The following UBN1 variants were observed in gnomAD, a reference collection of about 807,000 sequenced individuals.
The protein encoded by UBN1 is ubinuclein-1.
A neutral mutation model predicts 108.5 loss-of-function variants in UBN1; 17 were observed. The observed-to-expected ratio is 0.16, with a 90% confidence interval of 0.11 to 0.24. The LOEUF (loss-of-function observed/expected upper bound fraction) is 0.24. Among genes scored for constraint, UBN1 ranks in the 10% least tolerant of loss-of-function variants. The pLI is 1.00. For missense variants in UBN1, 1,595 were observed against 1,394.4 expected, an observed-to-expected ratio of 1.14 and a Z score of -2.29; for synonymous variants, 726 against 564.2, an observed-to-expected ratio of 1.29 and a Z score of -4.07.
chr16:4,863,722 G>C (rs1371307030), intron 7 of UBN1, among the ~76,000 whole-genome samples: 1 of 152,026 alleles, frequency 6.6e-6, no homozygotes, highest in African/African-American at 2.4e-5. Context: ...CCCAAAATTT[G>C]CCTTGTCATA....
chr16:4,869,568 C>T lies in UBN1; in HGVS notation c.1182-644C>T, dbSNP rs550679144. Among the ~76,000 whole-genome samples, 7 of 152,274 alleles carry T rather than the reference C, an allele frequency of 4.6e-5. No individual in the cohort carries two copies. In the South Asian group the frequency reaches 1.2e-3, roughly 27 times the overall value. Reference sequence around the variant, plus strand: ...GCTGAGGAGTTTGTGTGTGTAAGAACAGTTGTCAAAATGTGGGTGTTCTAC... The same window carrying T: ...GCTGAGGAGTTTGTGTGTGTAAGAATAGTTGTCAAAATGTGGGTGTTCTAC... On this transcript the variant is annotated intron_variant, in intron 8 of 17. Coordinates refer to ENST00000262376, the MANE Select transcript of UBN1 (RefSeq NM_001079514.3).
rs1053238705 is a variant in UBN1 at position 4,877,974 on chromosome 16, A to G, written c.3355+500A>G. On this transcript the variant is annotated intron_variant, in intron 17 of 17. Coordinates refer to ENST00000262376, the MANE Select transcript of UBN1 (RefSeq NM_001079514.3). The surrounding 1 kb of genome is among the most constrained non-coding windows in gnomAD (Gnocchi z 4.3). Reference sequence around the variant, plus strand: ...GGTAGCAGCCAGAGGCCACAGTGCAAGACTTTGAGAGGAGCAGCTTTAAAT... The same window carrying G: ...GGTAGCAGCCAGAGGCCACAGTGCAGGACTTTGAGAGGAGCAGCTTTAAAT... 6.6e-6 allele frequency among the ~76,000 whole-genome samples: 1 copy of G among 152,136 alleles called. No homozygotes were observed. Among genetic ancestry groups the G allele is most frequent in the East Asian group, 1.9e-4 (1 of 5,184 alleles).
chr16:4,860,576 A>C (rs532501535), intron 6 of UBN1, 88 bp from the exon 7 acceptor site: 74 of 1,343,440 alleles, frequency 5.5e-5, no homozygotes, highest in Non-Finnish European at 7.3e-5. Flanking sequence ...CCTGGAGACC[A>C]TGACCCTGGG....
Position 4,870,641 on chromosome 16 carries a change from T to A in UBN1, c.1430+7T>A. Reference sequence around the variant, plus strand: ...CGCAGGCAAAGGTTGCCAAGTAAGTTTGTCCTGGCGCTTGCAGGTGCAACC... The same window carrying A: ...CGCAGGCAAAGGTTGCCAAGTAAGTATGTCCTGGCGCTTGCAGGTGCAACC... On this transcript the variant is annotated splice_region_variant and intron_variant, in intron 10 of 17. Coordinates refer to ENST00000262376, the MANE Select transcript of UBN1 (RefSeq NM_001079514.3). The A allele has an allele frequency of 1.9e-6, 3 of 1,613,790 alleles. No homozygotes were observed. The highest frequency in any genetic ancestry group is 2.5e-6 in the Non-Finnish European group (3 of 1,179,988).
chr16:4,874,994 T>A lies in UBN1; in HGVS notation c.2584T>A (p.Ser862Thr), dbSNP rs528697141. ...QGFHPSAPAT[S>T]GGLSASSSSS... is the part of the protein sequence containing the mutation. The stretch of plus-strand genomic sequence containing the variant: ...CTTCCATCCCTCTGCACCAGCCACC[T>A]CAGGAGGCCTGTCAGCCTCCAGCAG... The change falls in exon 15 of 18, where the codon TCA becomes ACA. Residue 862 changes from serine (S) to threonine (T), a missense_variant. This residue lies in a region of UBN1 where 1,398 missense variants were observed against 1,194.7 expected (regional missense o/e 1.17). Coordinates refer to ENST00000262376, the MANE Select transcript of UBN1 (RefSeq NM_001079514.3). The A allele has an allele frequency of 4.3e-6, 7 of 1,614,094 alleles. No homozygotes were observed. The highest frequency in any genetic ancestry group is 5.9e-6 in the Non-Finnish European group (7 of 1,180,042).
chr16:4,877,668 C>T lies in UBN1; in HGVS notation c.3355+194C>T, dbSNP rs1287145711. The T allele has an allele frequency of 2.3e-6, 3 of 1,283,056 alleles. No individual in the cohort carries two copies. The highest frequency in any genetic ancestry group is 9.8e-7 in the Non-Finnish European group (1 of 1,016,030). The allele number at this position is 1,283,056 out of a possible 1,614,324, so 79.5% of individuals were successfully genotyped here. A position where few individuals can be genotyped will look rare whatever the true frequency, so the allele number is the denominator to read the frequency against. On this transcript the variant is annotated intron_variant, in intron 17 of 17. Transcript: ENST00000262376. This position sits in a 1 kb window ranked among gnomAD's most constrained non-coding sequence, Gnocchi z 4.3. ...CTACTCTTGGGGTTTCCTCTGGTCC[C>T]CACTTGGAGCTGCCGCCAGGTCAGC...
In UBN1 at chr16:4,880,249, G is replaced by A. The variant is rs564463546; in HGVS notation, c.*117G>A. 11 of 1,239,210 alleles carry A rather than the reference G, an allele frequency of 8.9e-6. No homozygotes were observed. The highest frequency in any genetic ancestry group is 1.2e-6 in the Non-Finnish European group (1 of 846,026). 76.8% of individuals were successfully genotyped at this position (1,239,210 alleles called of 1,614,324 possible). ...GCTTGGTGTTCTTCTGGAGGAGCGT[G>A]AGTTCTCAGCGGAGCGCTTCTCGGC... is the stretch of plus-strand genomic sequence containing the variant. On this transcript the variant is annotated 3_prime_UTR_variant, in exon 18 of 18. Transcript: ENST00000262376.
intron 17 of UBN1, among the ~76,000 whole-genome samples, chr16:4,879,592 C>T (rs1394419477): frequency 2.6e-5 from 4 of 152,204 alleles, no homozygotes; most frequent in African/African-American, 4.8e-5. Flanking sequence ...ACACGAGATG[C>T]GAGTAAGAAG....
At chr16:4,876,646 A>T (rs1275828327) in intron 15 of UBN1, among the ~76,000 whole-genome samples, 1 of 152,128 alleles carries the variant, frequency 6.6e-6, no homozygotes, top group Non-Finnish European at 1.5e-5. Flanking sequence ...TGCTTTTAAA[A>T]AAATTATGTT....
intron 7 of UBN1, among the ~76,000 whole-genome samples, chr16:4,867,398 A>C (rs2087388247): frequency 6.7e-6 from 1 of 148,208 alleles, no homozygotes; most frequent in African/African-American, 2.5e-5. Flanking sequence ...CTGTGTATAG[A>C]GGGCTAACTT....
At chr16:4,865,756 T>A (rs747679475) in intron 7 of UBN1, among the ~76,000 whole-genome samples, 4 of 152,046 alleles carry the variant, frequency 2.6e-5, no homozygotes, top group Admixed American at 2.0e-4. Flanking sequence ...GGGTCAGATG[T>A]TTGAGACCAG....
At position 4,874,796 on chromosome 16, in the gene UBN1, G is replaced by C; in HGVS notation, c.2386G>C (p.Ala796Pro). 1.2e-6 allele frequency: 2 copies of C among 1,614,070 alleles called. No homozygotes were observed. The highest frequency in any genetic ancestry group is 1.7e-6 in the Non-Finnish European group (2 of 1,180,030). Residue 796 changes from alanine to proline, a missense_variant, in exon 15 of 18, where the codon GCA becomes CCA. By Grantham distance (27) the Ala-to-Pro change is conservative. Transcript: ENST00000262376. ...LPRTSHGPQV[A>P]VPVPGPQVKV... is the part of the protein sequence containing the mutation. ...ACGGACGTCTCACGGGCCCCAAGTG[G>C]CAGTTCCTGTGCCTGGCCCCCAGGT...
At chr16:4,861,984 T>C (rs1456702155) in intron 7 of UBN1, among the ~76,000 whole-genome samples, 1 of 152,224 alleles carries the variant, frequency 6.6e-6, no homozygotes, top group Non-Finnish European at 1.5e-5. Flanking sequence ...ATCTAGCAGC[T>C]CTTGCTGTTT....
chr16:4,875,305 T>A lies in UBN1; in HGVS notation c.2895T>A (p.Thr965=). 6.2e-7 allele frequency: 1 copy of A among 1,614,246 alleles called. No homozygotes were observed. The highest frequency in any genetic ancestry group is 8.5e-7 in the Non-Finnish European group (1 of 1,180,046). ...GKKMPVSQKL[T]LVAPPGGPNG... is the part of the protein sequence containing the mutation. ...AAATGCCTGTTTCCCAGAAGTTGACTCTGGTAGCCCCTCCAGGCGGTCCAA... is the reference window on the plus strand; with the variant it reads ...AAATGCCTGTTTCCCAGAAGTTGACACTGGTAGCCCCTCCAGGCGGTCCAA... The change falls in exon 15 of 18, where the codon ACT becomes ACA. Residue 965 remains threonine, a synonymous_variant. Coordinates refer to ENST00000262376, the MANE Select transcript of UBN1 (RefSeq NM_001079514.3).
rs2088043262 is a variant in UBN1, at chr16:4,880,402, T to TC, written c.*270_*271insC. On this transcript the variant is annotated 3_prime_UTR_variant, in exon 18 of 18. Transcript: ENST00000262376. ...TAGAGGGGCAGCTCTAGGCTGGGGC[T>TC]TGCGCTGGGCCGTGGTGGGAGGCAC... 7 of 452,524 alleles carry TC rather than the reference T, an allele frequency of 1.5e-5. No individual in the cohort carries two copies. Among genetic ancestry groups the TC allele is most frequent in the African/African-American group, 1.2e-4 (6 of 51,310 alleles). The allele number at this position is 452,524 out of a possible 1,614,324, so 28.0% of individuals were successfully genotyped here. A position where few individuals can be genotyped will look rare whatever the true frequency, so the allele number is the denominator to read the frequency against.
At chr16:4,856,428 G>A (rs1302678237) in intron 2 of UBN1, among the ~76,000 whole-genome samples, 1 of 152,192 alleles carries the variant, frequency 6.6e-6, no homozygotes, top group African/African-American at 2.4e-5. Context: ...TAGTATGAAG[G>A]CATTGTGCTA....
chr16:4,871,850 T>G (rs574346216), intron 12 of UBN1, among the ~76,000 whole-genome samples: 1 of 152,114 alleles, frequency 6.6e-6, no homozygotes, highest in Admixed American at 6.5e-5. Context: ...CCTCCCTAAG[T>G]GCTGGGATTA....
intron 7 of UBN1, among the ~76,000 whole-genome samples, chr16:4,861,723 C>T (rs1027516819): frequency 6.6e-6 from 1 of 152,216 alleles, no homozygotes; most frequent in Non-Finnish European, 1.5e-5. Flanking sequence ...GGGCGGATCA[C>T]CTGAGGTCAG....
intron 2 of UBN1, among the ~76,000 whole-genome samples, chr16:4,856,391 G>C (rs919586109): frequency 6.6e-6 from 1 of 152,214 alleles, no homozygotes; most frequent in South Asian, 2.1e-4. Flanking sequence ...CATTTGTGCA[G>C]CAGTTCTTTT....
Sources: allele counts gnomAD v4.1 joint callset (sites outside exome capture counted in the v4.1 genomes callset), GRCh38; gene constraint gnomAD v4.1.1; regional missense constraint gnomAD v4.1.1; non-coding constraint Gnocchi (gnomAD v3.1); transcripts MANE v1.5; gene names NCBI Gene and HGNC (gene_info 2026-07-23, HGNC 2026-07-21).